Variants in PRKCH observed in about 807,000 individuals in gnomAD.
PRKCH encodes the protein protein kinase C eta.
PRKCH carries 28 observed loss-of-function variants against 82.5 expected under a neutral mutation model. That is an observed-to-expected ratio of 0.34 (90% CI 0.25 to 0.47). The LOEUF is 0.47. Among genes scored for constraint, PRKCH ranks in the 20% least tolerant of loss-of-function variants. PRKCH has a pLI of 1.00. For synonymous variants in PRKCH, 322 were observed against 327.4 expected (o/e 0.98, Z 0.18); for missense variants, 705 against 881.8 (o/e 0.80, Z 2.54).
intron 1 of PRKCH, among the ~76,000 whole-genome samples, chr14:61,227,914 G>A (rs1002053024): frequency 2.0e-5 from 3 of 152,104 alleles, no homozygotes; most frequent in South Asian, 2.1e-4. Context: ...GCTCATAATC[G>A]TTTTGCTAGC....
intron 10 of PRKCH, among the ~76,000 whole-genome samples, chr14:61,498,804 C>G (rs1886772314): frequency 6.6e-6 from 1 of 152,186 alleles, no homozygotes. Flanking sequence ...CAAATGCTAT[C>G]ACATTAGAGC....
At chr14:61,489,383 G>A (rs1886363480) in intron 10 of PRKCH, among the ~76,000 whole-genome samples, 1 of 152,234 alleles carries the variant, frequency 6.6e-6, no homozygotes, top group Non-Finnish European at 1.5e-5. Flanking sequence ...TCAGAAGGTA[G>A]TACCTTAGGC....
chr14:61,382,715 A>T (rs1044686573), intron 1 of PRKCH, among the ~76,000 whole-genome samples: 1 of 152,242 alleles, frequency 6.6e-6, no homozygotes, highest in Admixed American at 6.5e-5. Flanking sequence ...CTCAAAGCCC[A>T]TAGAGTCTAG....
intron 9 of PRKCH, among the ~76,000 whole-genome samples, chr14:61,463,778 A>C (rs1765194702): frequency 6.6e-6 from 1 of 152,136 alleles, no homozygotes; most frequent in Non-Finnish European, 1.5e-5. Flanking sequence ...TGTTTCTATG[A>C]GTTTGGCTTT....
intron 1 of PRKCH, among the ~76,000 whole-genome samples, chr14:61,312,928 A>T (rs545930650): frequency 6.6e-6 from 1 of 152,244 alleles, no homozygotes; most frequent in South Asian, 2.1e-4. Flanking sequence ...GACCTCCTTA[A>T]CATTAAGATC....
chr14:61,337,096 A>G (rs1434108649), intron 1 of PRKCH, among the ~76,000 whole-genome samples: 1 of 146,234 alleles, frequency 6.8e-6, no homozygotes, highest in Admixed American at 6.8e-5. Flanking sequence ...AAAAAAGTAC[A>G]TCGTTTGAAT....
At chr14:61,403,354 A>G (rs1320621944) in intron 2 of PRKCH, among the ~76,000 whole-genome samples, 2 of 152,172 alleles carry the variant, frequency 1.3e-5, no homozygotes, top group Non-Finnish European at 2.9e-5. Flanking sequence ...CCACAGGGAG[A>G]AGGAACTGAC....
At chr14:61,518,427 G>A (rs2042856925) in intron 10 of PRKCH, among the ~76,000 whole-genome samples, 1 of 143,820 alleles carries the variant, frequency 7.0e-6, no homozygotes, top group East Asian at 2.1e-4. Flanking sequence ...GATAGGGGAT[G>A]TGGAATGCAA....
chr14:61,514,559 C>T (rs1379077490), intron 10 of PRKCH, among the ~76,000 whole-genome samples: 1 of 151,998 alleles, frequency 6.6e-6, no homozygotes, highest in African/African-American at 2.4e-5. Context: ...CTGTAGAGGT[C>T]CCAGATGGGT....
At chr14:61,221,115 G>T (rs1244822392) in intron 1 of PRKCH, among the ~76,000 whole-genome samples, 1 of 152,132 alleles carries the variant, frequency 6.6e-6, no homozygotes, top group Non-Finnish European at 1.5e-5. Context: ...TAGTTTAAAA[G>T]AAATGAAAGA....
At chr14:61,287,390 C>T (rs1444805546) in intron 1 of PRKCH, among the ~76,000 whole-genome samples, 1 of 151,760 alleles carries the variant, frequency 6.6e-6, no homozygotes, top group South Asian at 2.1e-4. Context: ...GAGCTCTGTA[C>T]TGGAAAGAAG....
At chr14:61,363,101 T>C (rs1199990407) in intron 1 of PRKCH, among the ~76,000 whole-genome samples, 1 of 152,190 alleles carries the variant, frequency 6.6e-6, no homozygotes, top group African/African-American at 2.4e-5. Flanking sequence ...AAACAGTCTG[T>C]GTATGCTTGC....
intron 2 of PRKCH, among the ~76,000 whole-genome samples, chr14:61,428,110 C>CAT (rs1435502380): frequency 1.2e-4 from 9 of 75,442 alleles, no homozygotes; most frequent in African/African-American, 3.7e-4. Context: ...TATATATACA[C>CAT]ACATATATAT....
intron 1 of PRKCH, among the ~76,000 whole-genome samples, chr14:61,192,797 C>T (rs1172876423): frequency 6.6e-6 from 1 of 152,234 alleles, no homozygotes; most frequent in Admixed American, 6.5e-5. Flanking sequence ...CTTTGGAAGA[C>T]ATTGTCATAA....
chr14:61,327,351 G>A lies in PRKCH; in HGVS notation c.363+4887G>A, dbSNP rs183540582. ...ATTCTCTTTTGTACTTTGTAGTGCC[G>A]TTGTTTATTCTCATGATTGATTTTT... is the stretch of plus-strand genomic sequence containing the variant. On this transcript the variant is annotated intron_variant, in intron 1 of 13. Coordinates refer to ENST00000332981, the MANE Select transcript of PRKCH (RefSeq NM_006255.5). Among the ~76,000 whole-genome samples the A allele has an allele frequency of 8.4e-4, 128 of 152,176 alleles. No individual in the cohort carries two copies. The East Asian group carries it at 0.011, about 13-fold the overall frequency.
intron 2 of PRKCH, among the ~76,000 whole-genome samples, chr14:61,432,216 G>A (rs1168729127): frequency 6.6e-6 from 1 of 151,906 alleles, no homozygotes; most frequent in Non-Finnish European, 1.5e-5. Context: ...TGGCTTATGT[G>A]CATTTCCTTG....
At chr14:61,265,772 A>G (rs1179588304) in intron 1 of PRKCH, among the ~76,000 whole-genome samples, 2 of 152,134 alleles carry the variant, frequency 1.3e-5, no homozygotes, top group Admixed American at 1.3e-4. Context: ...AGACTGGGCT[A>G]GGAGAATAAG....
chr14:61,520,514 AATT>A (rs1212915693), intron 10 of PRKCH, among the ~76,000 whole-genome samples: 10 of 152,218 alleles, frequency 6.6e-5, no homozygotes, highest in African/African-American at 2.4e-4. Flanking sequence ...CAATATAAAA[AATT>A]ATTACTATCC....
intron 1 of PRKCH, among the ~76,000 whole-genome samples, chr14:61,310,529 T>G (rs2045514708): frequency 6.6e-6 from 1 of 152,226 alleles, no homozygotes. Context: ...CCCATGGCCT[T>G]GGGCAGCTCC....
Sources: allele counts gnomAD v4.1 joint callset (sites outside exome capture counted in the v4.1 genomes callset), GRCh38; gene constraint gnomAD v4.1.1; transcripts MANE v1.5; gene names NCBI Gene and HGNC (gene_info 2026-07-23, HGNC 2026-07-21).